Variants in SLC6A16 observed in about 807,000 individuals in gnomAD.
The protein encoded by SLC6A16 is solute carrier family 6 member 16, also known as orphan sodium- and chloride-dependent neurotransmitter transporter NTT5.
A neutral mutation model predicts 65.4 loss-of-function variants in SLC6A16; 54 were observed. The ratio of observed to expected loss-of-function variants is 0.83; its 90% CI spans 0.66 to 1.04. The LOEUF (loss-of-function observed/expected upper bound fraction) is 1.04, where lower values mean the gene tolerates loss of function less well. Ranked by LOEUF, SLC6A16 falls within the 50% of genes least tolerant of loss-of-function variation. SLC6A16 has a pLI of 0.00. For missense variants in SLC6A16, 816 were observed against 914.0 expected (o/e 0.89, Z 1.38); for synonymous variants, 330 against 346.5 (o/e 0.95, Z 0.53).
chr19:49,319,060 C>T (rs995125519), intron 1 of SLC6A16, among the ~76,000 whole-genome samples: 9 of 151,398 alleles, frequency 5.9e-5, no homozygotes, highest in Non-Finnish European at 1.2e-4. Context: ...TGATACAACA[C>T]CTGAAATGAA....
intron 1 of SLC6A16, among the ~76,000 whole-genome samples, chr19:49,316,292 C>T (rs1017366124): frequency 6.6e-6 from 1 of 152,016 alleles, no homozygotes; most frequent in Non-Finnish European, 1.5e-5. Context: ...TACTAGATTG[C>T]AAGCCCAAAA....
Position 49,290,319 on chromosome 19 carries a change from A to C in SLC6A16, c.2015T>G (p.Leu672Arg). 1 of 1,614,000 alleles carries C rather than the reference A, an allele frequency of 6.2e-7. No individual in the cohort carries two copies. Among genetic ancestry groups the C allele is most frequent in the Non-Finnish European group, 8.5e-7 (1 of 1,180,008 alleles). The change falls in exon 12 of 12, where the codon CTC becomes CGC. Residue 672 changes from leucine (L) to arginine (R), a missense_variant. Transcript: ENST00000335875. ...LMITLFAIVI[L>R]PIPAYFVYCR... ...GTATACAAAGTATGCAGGGATGGGG[A>C]GGATGACAATGGCAAAAAGGGTGAT... is the stretch of plus-strand genomic sequence containing the variant.
intron 7 of SLC6A16, among the ~76,000 whole-genome samples, chr19:49,303,888 A>G (rs1233856409): frequency 6.6e-6 from 1 of 152,238 alleles, no homozygotes; most frequent in Admixed American, 6.5e-5. Flanking sequence ...CCAGCCAAAC[A>G]CTTTGAGATG....
At chr19:49,321,488 C>G (rs1252329726) in intron 1 of SLC6A16, among the ~76,000 whole-genome samples, 1 of 152,056 alleles carries the variant, frequency 6.6e-6, no homozygotes, top group Non-Finnish European at 1.5e-5. Context: ...GTAATCCCAG[C>G]ACTTTGGGAG....
chr19:49,338,103 A>T, the SLC6A16 span: 1 of 1,558,388 alleles, frequency 6.4e-7, no homozygotes, highest in Non-Finnish European at 8.7e-7. This position sits in a 1 kb window ranked among gnomAD's most constrained non-coding sequence, Gnocchi z 5.0. Context: ...CTCCACCCCA[A>T]CGTGGGCCCG....
At chr19:49,340,291 T>G in the SLC6A16 span, 1 of 1,613,940 alleles carries the variant, frequency 6.2e-7, no homozygotes, top group Non-Finnish European at 8.5e-7. Context: ...TGCAGAAACC[T>G]GGACCACGTC....
the SLC6A16 span, chr19:49,336,741 A>C: frequency 2.6e-3 from 1,635 of 634,056 alleles, 15 homozygotes; most frequent in African/African-American, 0.026. Flanking sequence ...GCCCAGAAAG[A>C]AGAGAAAGTT....
intron 1 of SLC6A16, among the ~76,000 whole-genome samples, chr19:49,324,350 A>T (rs115393813): frequency 0.011 from 1,647 of 152,294 alleles, 21 homozygotes; most frequent in African/African-American, 0.024. Context: ...AATAAATAAA[A>T]AATAATAGAT....
At chr19:49,311,462 C>G (rs1206401992) in intron 1 of SLC6A16, 51 bp from the exon 2 acceptor site, 1 of 1,184,976 alleles carries the variant, frequency 8.4e-7, no homozygotes, top group African/African-American at 1.5e-5. Context: ...CAAGTAACTA[C>G]TGAGTTACAA....
At chr19:49,320,279 G>A (rs1422494359) in intron 1 of SLC6A16, among the ~76,000 whole-genome samples, 1 of 151,756 alleles carries the variant, frequency 6.6e-6, no homozygotes, top group African/African-American at 2.4e-5. Context: ...ATGGTGGTGG[G>A]CGCCTGTAAT....
the SLC6A16 span, chr19:49,331,726 T>G: frequency 2.2e-6 from 1 of 457,076 alleles, no homozygotes; most frequent in East Asian, 7.0e-5. Context: ...AGGCTGAGTC[T>G]AGAAATGGGC....
upstream of SLC6A16, among the ~76,000 whole-genome samples, chr19:49,326,920 G>A (rs1320499357): frequency 6.6e-6 from 1 of 151,890 alleles, no homozygotes; most frequent in East Asian, 1.9e-4. Context: ...TCGGGTGGCT[G>A]AGGCACAAGA....
chr19:49,298,555 A>C (rs1970226001), intron 7 of SLC6A16, among the ~76,000 whole-genome samples: 1 of 152,192 alleles, frequency 6.6e-6, no homozygotes, highest in Admixed American at 6.5e-5. Context: ...AAAAAGCAAC[A>C]GATGTTGGTG....
At chr19:49,310,328 G>A in intron 3 of SLC6A16, 25 bp downstream of exon 3, 1 of 1,612,986 alleles carries the variant, frequency 6.2e-7, no homozygotes, top group Non-Finnish European at 8.5e-7. Context: ...TAAAAGTCAG[G>A]CCTGGGCAGC....
At chr19:49,335,531 C>G in the SLC6A16 span, 6 of 1,611,028 alleles carry the variant, frequency 3.7e-6, no homozygotes, top group Non-Finnish European at 5.1e-6. The surrounding 1 kb of genome is among the most constrained non-coding windows in gnomAD (Gnocchi z 4.6). Flanking sequence ...GCTTACCCCA[C>G]TAGGTGAAGA....
chr19:49,335,917 G>T, the SLC6A16 span: 1 of 740,146 alleles, frequency 1.4e-6, no homozygotes. This position sits in a 1 kb window ranked among gnomAD's most constrained non-coding sequence, Gnocchi z 4.6. Flanking sequence ...ACTGCTCACC[G>T]GAGGCTTCTT....
chr19:49,298,423 A>T (rs1284095838), intron 7 of SLC6A16, among the ~76,000 whole-genome samples: 1 of 152,226 alleles, frequency 6.6e-6, no homozygotes, highest in African/African-American at 2.4e-5. Flanking sequence ...CATTTAAAAA[A>T]TGGGCAAAGG....
chr19:49,317,750 G>A (rs987146118), intron 1 of SLC6A16, among the ~76,000 whole-genome samples: 2 of 151,806 alleles, frequency 1.3e-5, no homozygotes, highest in Non-Finnish European at 2.9e-5. Context: ...GGCTTGCAGT[G>A]AGCAGAGATC....
the SLC6A16 span, among the ~76,000 whole-genome samples, chr19:49,339,132 T>C: frequency 6.6e-6 from 1 of 151,968 alleles, no homozygotes; most frequent in Non-Finnish European, 1.5e-5. This position sits in a 1 kb window ranked among gnomAD's most constrained non-coding sequence, Gnocchi z 4.5. Context: ...GGGCTGGCTC[T>C]GGAATACAGA....
Sources: gnomAD v4.1 joint callset for allele counts (sites outside exome capture counted in the v4.1 genomes callset) on GRCh38, gnomAD v4.1.1 for gene constraint, Gnocchi (gnomAD v3.1) non-coding constraint, MANE v1.5 for transcripts, NCBI Gene and HGNC (gene_info 2026-07-23, HGNC 2026-07-21) for gene names.